The following NHERF1 variants were observed in gnomAD, a reference collection of about 807,000 sequenced individuals.
NHERF1 encodes NHERF family PDZ scaffold protein 1, also known as Na(+)/H(+) exchange regulatory cofactor NHE-RF1.
chr17:74,749,096 A>C, the NHERF1 span: 1 of 1,585,430 alleles, frequency 6.3e-7, no homozygotes, highest in Non-Finnish European at 8.6e-7. This position sits in a 1 kb window ranked among gnomAD's most constrained non-coding sequence, Gnocchi z 5.6. Context: ...CGCCGCACTC[A>C]ACGCCGTGCG....
At chr17:74,755,126 T>C in the NHERF1 span, among the ~76,000 whole-genome samples, 1 of 152,214 alleles carries the variant, frequency 6.6e-6, no homozygotes, top group South Asian at 2.1e-4. Flanking sequence ...GCTTGAAGCC[T>C]GACTCTGCCA....
the NHERF1 span, among the ~76,000 whole-genome samples, chr17:74,766,187 T>G: frequency 5.7e-3 from 869 of 152,064 alleles, 12 homozygotes; most frequent in African/African-American, 0.02. Flanking sequence ...TGGTTTGTTT[T>G]TTTTGTTTTG....
chr17:74,768,210 TCCGCCTCCA>T, the NHERF1 span: 1 of 1,613,470 alleles, frequency 6.2e-7, no homozygotes. Context: ...CCTGGTGAGA[TCCGCCTCCA>T]GTGACACCAG....
the NHERF1 span, among the ~76,000 whole-genome samples, chr17:74,761,462 T>A: frequency 0.037 from 5,693 of 151,910 alleles, 198 homozygotes; most frequent in Admixed American, 0.11. This position sits in a 1 kb window ranked among gnomAD's most constrained non-coding sequence, Gnocchi z 4.3. Flanking sequence ...TGAGAGAGAG[T>A]TCGAGTATAT....
the NHERF1 span, among the ~76,000 whole-genome samples, chr17:74,759,082 G>T: frequency 1.3e-5 from 2 of 152,230 alleles, no homozygotes; most frequent in Admixed American, 6.5e-5. Flanking sequence ...CCCTTCCCAT[G>T]TGAGGGGAGG....
chr17:74,765,557 C>CTTT, the NHERF1 span, among the ~76,000 whole-genome samples: 5 of 128,826 alleles, frequency 3.9e-5, no homozygotes, highest in African/African-American at 1.5e-4. Flanking sequence ...CGCGCCTGGC[C>CTTT]TTTTTTTTTT....
the NHERF1 span, among the ~76,000 whole-genome samples, chr17:74,764,421 T>G: frequency 6.6e-6 from 1 of 152,200 alleles, no homozygotes. This position sits in a 1 kb window ranked among gnomAD's most constrained non-coding sequence, Gnocchi z 4.9. Flanking sequence ...AGTCCCTAGC[T>G]GGCTCTGGGC....
At chr17:74,755,144 C>T in the NHERF1 span, among the ~76,000 whole-genome samples, 1 of 152,202 alleles carries the variant, frequency 6.6e-6, no homozygotes, top group African/African-American at 2.4e-5. Flanking sequence ...CCAGGTGTTT[C>T]TGCCCATCAT....
chr17:74,761,933 G>A, the NHERF1 span: 4 of 1,484,752 alleles, frequency 2.7e-6, no homozygotes, highest in African/African-American at 5.5e-5. This position sits in a 1 kb window ranked among gnomAD's most constrained non-coding sequence, Gnocchi z 4.3. Context: ...TGGTTGGGGA[G>A]ATGGGGACAG....
the NHERF1 span, chr17:74,768,449 C>T: frequency 1.9e-6 from 3 of 1,613,460 alleles, no homozygotes; most frequent in African/African-American, 1.3e-5. Flanking sequence ...CAACTTCCTG[C>T]CCCCACTTCT....
chr17:74,761,952 C>G, the NHERF1 span: 1 of 1,576,828 alleles, frequency 6.3e-7, no homozygotes, highest in East Asian at 2.2e-5. This position sits in a 1 kb window ranked among gnomAD's most constrained non-coding sequence, Gnocchi z 4.3. Flanking sequence ...AGGCAGAGGA[C>G]AGGGAAGGCA....
the NHERF1 span, among the ~76,000 whole-genome samples, chr17:74,752,618 C>T: frequency 6.6e-6 from 1 of 152,136 alleles, no homozygotes; most frequent in Admixed American, 6.6e-5. Context: ...CTCATTCTCC[C>T]TAGTAGCTGG....
chr17:74,767,119 A>G, the NHERF1 span: 9 of 782,278 alleles, frequency 1.2e-5, no homozygotes, highest in East Asian at 2.4e-4. Context: ...TTCAGCTCCA[A>G]GCTATAGAAC....
At chr17:74,753,286 C>T in the NHERF1 span, among the ~76,000 whole-genome samples, 5 of 152,188 alleles carry the variant, frequency 3.3e-5, no homozygotes, top group Non-Finnish European at 7.3e-5. Flanking sequence ...CCTGCCAGCC[C>T]TGACCCTGAT....
At chr17:74,750,721 TC>T in the NHERF1 span, among the ~76,000 whole-genome samples, 2 of 149,246 alleles carry the variant, frequency 1.3e-5, no homozygotes, top group Admixed American at 6.6e-5. Flanking sequence ...GATTTGACAT[TC>T]TTTTTTTTTT....
chr17:74,749,212 G>A, the NHERF1 span: 1 of 1,524,472 alleles, frequency 6.6e-7, no homozygotes, highest in South Asian at 1.2e-5. The surrounding 1 kb of genome is among the most constrained non-coding windows in gnomAD (Gnocchi z 5.6). Flanking sequence ...AGGCCGAGCC[G>A]CCGGCCGCCG....
the NHERF1 span, among the ~76,000 whole-genome samples, chr17:74,756,229 A>C: frequency 2.7e-5 from 4 of 146,248 alleles, no homozygotes; most frequent in African/African-American, 1.0e-4. Context: ...GATTACAGGC[A>C]TGAGCCACCA....
the NHERF1 span, chr17:74,768,820 G>A: frequency 1.5e-6 from 1 of 658,210 alleles, no homozygotes; most frequent in African/African-American, 1.8e-5. Flanking sequence ...CTGACTTTAG[G>A]GAAGGTGAAT....
the NHERF1 span, among the ~76,000 whole-genome samples, chr17:74,758,611 C>CA: frequency 3.3e-5 from 5 of 152,304 alleles, no homozygotes; most frequent in East Asian, 9.6e-4. The surrounding 1 kb of genome is among the most constrained non-coding windows in gnomAD (Gnocchi z 4.3). Context: ...CTCCGGAACT[C>CA]ACTGGGGCTA....
Sources: gnomAD v4.1 joint callset for allele counts (sites outside exome capture counted in the v4.1 genomes callset) on GRCh38, gnomAD v4.1.1 for gene constraint, Gnocchi (gnomAD v3.1) non-coding constraint, MANE v1.5 for transcripts, NCBI Gene and HGNC (gene_info 2026-07-23, HGNC 2026-07-21) for gene names.